Variants in CDH10 observed in about 807,000 individuals in gnomAD.
The protein encoded by CDH10 is cadherin-10.
In CDH10, 30 loss-of-function variants were observed where a neutral mutation model predicts 73.1. The observed-to-expected ratio is 0.41, with a 90% confidence interval of 0.31 to 0.56. The LOEUF (loss-of-function observed/expected upper bound fraction) is 0.56, where lower values mean the gene tolerates loss of function less well. CDH10 is among the 20% of genes least tolerant of loss of function. CDH10 has a pLI of 0.27. For synonymous variants in CDH10, 345 were observed against 348.2 expected (o/e 0.99, Z 0.10); for missense variants, 815 against 973.7 (o/e 0.84, Z 2.17).
chr5:24,538,312 C>T lies in CDH10; in HGVS notation c.232-638G>A, dbSNP rs187469131. Among the ~76,000 whole-genome samples the T allele has an allele frequency of 2.3e-4, 35 of 152,172 alleles. 1 individual carries two copies. In the East Asian group the frequency reaches 6.4e-3, roughly 28 times the overall value. On this transcript the variant is annotated intron_variant, in intron 2 of 11. Coordinates refer to ENST00000264463, the MANE Select transcript of CDH10 (RefSeq NM_006727.5). ...TAAAGTTATAAATAAAATTAATGAACTATAAAATAAAATATGTTCTAGCCT... is the reference window on the plus strand; with the variant it reads ...TAAAGTTATAAATAAAATTAATGAATTATAAAATAAAATATGTTCTAGCCT...
chr5:24,509,992 A>G (rs1200229366), intron 6 of CDH10, among the ~76,000 whole-genome samples, 173 bp from the exon 7 acceptor site: 1 of 152,214 alleles, frequency 6.6e-6, no homozygotes, highest in Non-Finnish European at 1.5e-5. Context: ...TTAGGATTCA[A>G]CTTCTACTCT....
intron 2 of CDH10, among the ~76,000 whole-genome samples, chr5:24,591,739 T>C (rs1746205446): frequency 6.6e-6 from 1 of 151,898 alleles, no homozygotes; most frequent in Non-Finnish European, 1.5e-5. Context: ...AGATATGAAG[T>C]ACAGTTCTTG....
chr5:24,548,003 G>A (rs764050490), intron 2 of CDH10, among the ~76,000 whole-genome samples: 3 of 152,164 alleles, frequency 2.0e-5, no homozygotes, highest in Non-Finnish European at 4.4e-5. Flanking sequence ...AATTGTCAGG[G>A]TTGGCAAGTC....
intron 2 of CDH10, among the ~76,000 whole-genome samples, chr5:24,576,007 G>C (rs539901579): frequency 6.6e-6 from 1 of 152,154 alleles, no homozygotes; most frequent in Non-Finnish European, 1.5e-5. Context: ...GACTCCTGCT[G>C]ATTTGAATTA....
intron 7 of CDH10, among the ~76,000 whole-genome samples, chr5:24,507,656 A>G (rs1252786266): frequency 6.6e-6 from 1 of 152,082 alleles, no homozygotes; most frequent in Non-Finnish European, 1.5e-5. Flanking sequence ...AATCTGAAAC[A>G]CAGAAGACAG....
intron 1 of CDH10, among the ~76,000 whole-genome samples, chr5:24,644,160 T>A (rs2112229012): frequency 6.6e-6 from 1 of 152,274 alleles, no homozygotes; most frequent in South Asian, 2.1e-4. Flanking sequence ...AAGTGCAGAG[T>A]GAATCCATTC....
At chr5:24,588,810 T>C (rs765744255) in intron 2 of CDH10, among the ~76,000 whole-genome samples, 21 of 152,182 alleles carry the variant, frequency 1.4e-4, no homozygotes, top group Admixed American at 4.6e-4. Flanking sequence ...ATGAGGTATT[T>C]CACAGCAAAA....
chr5:24,527,115 T>C (rs1743560332), intron 5 of CDH10, among the ~76,000 whole-genome samples: 2 of 150,904 alleles, frequency 1.3e-5, no homozygotes, highest in Non-Finnish European at 3.0e-5. Flanking sequence ...ACTAATCTTA[T>C]TGCATTACTC....
chr5:24,599,009 C>A (rs1374839340), intron 1 of CDH10, among the ~76,000 whole-genome samples: 2 of 152,030 alleles, frequency 1.3e-5, no homozygotes, highest in East Asian at 3.9e-4. Context: ...TCTCTAAGAT[C>A]CCTGCTAATA....
chr5:24,634,499 A>G (rs1354103561), intron 1 of CDH10, among the ~76,000 whole-genome samples: 1 of 151,936 alleles, frequency 6.6e-6, no homozygotes, highest in African/African-American at 2.4e-5. Flanking sequence ...TATTTTGCCA[A>G]ATATTATAGT....
chr5:24,604,871 T>TCAAAAAAAAAAAAAAAA (rs1453322652), intron 1 of CDH10, among the ~76,000 whole-genome samples: 11 of 116,334 alleles, frequency 9.5e-5, no homozygotes, highest in East Asian at 2.4e-4. Context: ...AAGATGTCTC[T>TCAAAAAAAAAAAAAAAA]AAAAAAAAAA....
chr5:24,615,883 G>A (rs1747109443), intron 1 of CDH10, among the ~76,000 whole-genome samples: 2 of 152,166 alleles, frequency 1.3e-5, no homozygotes, highest in Admixed American at 6.5e-5. Context: ...CTTAGTAGGT[G>A]TTCATTTCCC....
chr5:24,642,924 G>C (rs1186920198), intron 1 of CDH10, among the ~76,000 whole-genome samples: 4 of 147,282 alleles, frequency 2.7e-5, no homozygotes, highest in Non-Finnish European at 6.0e-5. Context: ...TGAAACCCAA[G>C]AAGTATCTGA....
rs1260690057 is a variant in CDH10 at position 24,537,336 on chromosome 5, A to G, written c.526+44T>C. 2.9e-6 allele frequency: 4 copies of G among 1,363,434 alleles called. No homozygotes were observed. In the South Asian group the frequency reaches 4.0e-5, roughly 14 times the overall value. The allele number at this position is 1,363,434 out of a possible 1,614,324, so 84.5% of individuals were successfully genotyped here. A position where few individuals can be genotyped will look rare whatever the true frequency, so the allele number is the denominator to read the frequency against. ...TATTATAAGAATTTCTTGATTTTTA[A>G]AACACTTTTTGAATACCATCATAAA... On this transcript the variant is annotated intron_variant, in intron 3 of 11. Coordinates refer to ENST00000264463, the MANE Select transcript of CDH10 (RefSeq NM_006727.5).
intron 5 of CDH10, among the ~76,000 whole-genome samples, chr5:24,527,970 G>T (rs1204846533): frequency 1.3e-5 from 2 of 151,848 alleles, no homozygotes; most frequent in African/African-American, 2.4e-5. Context: ...CTTACTTTAA[G>T]ACAATTACAG....
chr5:24,597,387 G>A (rs1229897215), intron 1 of CDH10, among the ~76,000 whole-genome samples: 2 of 152,108 alleles, frequency 1.3e-5, no homozygotes, highest in Non-Finnish European at 2.9e-5. Context: ...ATCAACCTCA[G>A]AATGTTTTTA....
chr5:24,617,853 A>G (rs1451176538), intron 1 of CDH10, among the ~76,000 whole-genome samples: 4 of 152,154 alleles, frequency 2.6e-5, no homozygotes, highest in Admixed American at 6.5e-5. Context: ...TATCAATATA[A>G]CCGTAAACCC....
At chr5:24,639,326 C>T (rs1747967461) in intron 1 of CDH10, among the ~76,000 whole-genome samples, 1 of 150,390 alleles carries the variant, frequency 6.6e-6, no homozygotes, top group South Asian at 2.1e-4. Flanking sequence ...AAAGGAGAAA[C>T]AGTTACATTT....
chr5:24,556,744 A>G (rs924658120), intron 2 of CDH10, among the ~76,000 whole-genome samples: 12 of 151,768 alleles, frequency 7.9e-5, no homozygotes, highest in African/African-American at 2.9e-4. Context: ...TATTTACACA[A>G]TTTAATAAAA....
Sources: allele counts gnomAD v4.1 joint callset (sites outside exome capture counted in the v4.1 genomes callset), GRCh38; gene constraint gnomAD v4.1.1; transcripts MANE v1.5; gene names NCBI Gene and HGNC (gene_info 2026-07-23, HGNC 2026-07-21).